ROGDI: variants seen among roughly 807,000 people sequenced by gnomAD.
The protein encoded by ROGDI is rogdi atypical leucine zipper.
In ROGDI, 46 loss-of-function variants were observed where a neutral mutation model predicts 43.1. The ratio of observed to expected loss-of-function variants is 1.07; its 90% CI spans 0.84 to 1.37. ROGDI has a LOEUF of 1.37. ROGDI is among the 40% of genes most tolerant of loss of function. ROGDI has a pLI of 0.00. For synonymous variants in ROGDI, 243 were observed against 162.0 expected, an observed-to-expected ratio of 1.50 and a Z score of -3.80; for missense variants, 518 against 383.9, an observed-to-expected ratio of 1.35 and a Z score of -2.92.
intron 2 of ROGDI, chr16:4,802,140 C>T (rs1221776875): frequency 1.5e-6 from 1 of 655,428 alleles, no homozygotes; most frequent in Non-Finnish European, 2.8e-6. Flanking sequence ...GCGGCCTTCC[C>T]CGACCCGAGG....
In ROGDI at chr16:4,797,416, G is replaced by C. The variant is rs200440067; in HGVS notation, c.*44C>G. ...GGTGCTCTGTGGTGGGTATGAGTAG[G>C]GGACGGGGCCGCCTTCCTGGAGACA... On this transcript the variant is annotated 3_prime_UTR_variant, in exon 11 of 11. Transcript: ENST00000322048. 5.4e-4 allele frequency: 865 copies of C among 1,588,266 alleles called. 9 individuals are homozygous for C. The highest frequency in any genetic ancestry group is 2.2e-4 in the Non-Finnish European group (260 of 1,164,082).
intron 4 of ROGDI, chr16:4,801,051 G>A (rs781733202): frequency 1.5e-5 from 8 of 518,724 alleles, no homozygotes; most frequent in Non-Finnish European, 2.4e-5. Context: ...AGGCCAGGCC[G>A]TGTGCAAAGA....
At chr16:4,801,428 C>A in intron 3 of ROGDI, 75 bp downstream of exon 3, 1 of 1,559,232 alleles carries the variant, frequency 6.4e-7, no homozygotes, top group Non-Finnish European at 8.7e-7. Context: ...AGCTGGTCTG[C>A]AGGACAGGGC....
In ROGDI at chr16:4,802,353, G is replaced by T; in HGVS notation, c.117+29C>A. 5 of 1,544,182 alleles carry T rather than the reference G, an allele frequency of 3.2e-6. No individual in the cohort carries two copies. The South Asian group carries it at 6.1e-5, about 19-fold the overall frequency. On this transcript the variant is annotated intron_variant, in intron 2 of 10. Coordinates refer to ENST00000322048, the MANE Select transcript of ROGDI (RefSeq NM_024589.3). The stretch of plus-strand genomic sequence containing the variant: ...GGAAATGAGGAGGGAGGGCCGCCAC[G>T]CCCGGCGGGGCAGGGCGCGGGTCGT...
intron 7 of ROGDI, 47 bp from the exon 8 acceptor site, chr16:4,798,231 G>A: frequency 6.7e-7 from 1 of 1,491,400 alleles, no homozygotes; most frequent in South Asian, 1.2e-5. Flanking sequence ...CCCAGCCCAG[G>A]CTGGATGGAG....
chr16:4,797,661 G>C, intron 10 of ROGDI, 53 bp downstream of exon 10: 1 of 1,611,916 alleles, frequency 6.2e-7, no homozygotes, highest in Non-Finnish European at 8.5e-7. Context: ...TGAGGGTGTG[G>C]CAAGGACCCT....
At chr16:4,802,348 G>A in intron 2 of ROGDI, 34 bp downstream of exon 2, 2 of 1,526,740 alleles carry the variant, frequency 1.3e-6, no homozygotes, top group Admixed American at 2.0e-5. Flanking sequence ...AGGGAGGGCC[G>A]CCACGCCCGG....
chr16:4,801,997 A>G (rs1284914443), intron 2 of ROGDI: 2 of 576,974 alleles, frequency 3.5e-6, no homozygotes, highest in Non-Finnish European at 6.6e-6. Flanking sequence ...AGCCTCGCGA[A>G]GCGGGTACTG....
chr16:4,800,346 C>T (rs565865740), intron 5 of ROGDI, 152 bp downstream of exon 5: 11 of 666,380 alleles, frequency 1.7e-5, no homozygotes, highest in Non-Finnish European at 2.1e-5. Flanking sequence ...CTTCAGGAAA[C>T]GCCTGCCCCC....
In ROGDI at chr16:4,799,775, C is replaced by T; in HGVS notation, c.343G>A (p.Asp115Asn). The T allele has an allele frequency of 6.2e-7, 1 of 1,613,116 alleles. No individual in the cohort carries two copies. The highest frequency in any genetic ancestry group is 8.5e-7 in the Non-Finnish European group (1 of 1,179,374). ...GCTTGGCTCACATGGTTTCTGGCAT[C>T]CTGGATCTGGAAGCAGGGGTCATCC... ...DKQWKLQQIQ[D>N]ARNHVSQAIY... Residue 115 changes from aspartate to asparagine, a missense_variant, in exon 6 of 11, where the codon GAT (aspartate) becomes AAT (asparagine). Asp to Asn is a conservative substitution (Grantham distance 23). Transcript: ENST00000322048.
In ROGDI at chr16:4,800,488, G is replaced by A. The variant is rs368283919; in HGVS notation, c.336+10C>T. The A allele has an allele frequency of 1.3e-6, 2 of 1,552,218 alleles. No individual in the cohort carries two copies. The highest frequency in any genetic ancestry group is 1.2e-5 in the South Asian group (1 of 84,196). On this transcript the variant is annotated intron_variant, in intron 5 of 10. Transcript: ENST00000322048. Reference sequence around the variant, plus strand: ...TGTGGCTGAGCACTAGCCAGGAGGGGCGGGGTCACCTGCTGCAGCTTCCAC... The same window carrying A: ...TGTGGCTGAGCACTAGCCAGGAGGGACGGGGTCACCTGCTGCAGCTTCCAC...
Position 4,797,355 on chromosome 16 carries a change from AG to A in ROGDI, c.*104del. ...TGTTAGGTGGGGTAGGGGGTGGGATAGGGAGATAAATAGCAGCCTGGCGTTG... is the reference window on the plus strand; with the variant it reads ...TGTTAGGTGGGGTAGGGGGTGGGATAGGAGATAAATAGCAGCCTGGCGTTG... On this transcript the variant is annotated 3_prime_UTR_variant, in exon 11 of 11. Coordinates refer to ENST00000322048, the MANE Select transcript of ROGDI (RefSeq NM_024589.3). 1 of 974,262 alleles carries A rather than the reference AG, an allele frequency of 1.0e-6. No individual in the cohort carries two copies. The allele number at this position is 974,262 out of a possible 1,614,324, so 60.4% of individuals were successfully genotyped here. A position where few individuals can be genotyped will look rare whatever the true frequency, so the allele number is the denominator to read the frequency against.
chr16:4,800,209 T>C (rs192351959), intron 5 of ROGDI, among the ~76,000 whole-genome samples: 8 of 151,770 alleles, frequency 5.3e-5, no homozygotes, highest in African/African-American at 1.7e-4. Flanking sequence ...GGCAAGGGAG[T>C]GACTTTTCAG....
At chr16:4,798,387 A>C in intron 7 of ROGDI, 182 bp downstream of exon 7, 2 of 699,166 alleles carry the variant, frequency 2.9e-6, no homozygotes, top group Non-Finnish European at 4.8e-6. Flanking sequence ...ACTAACCCGA[A>C]ACAGGGTTAA....
At position 4,802,584 on chromosome 16, in the gene ROGDI, C is replaced by A; in HGVS notation, c.-13G>T. On this transcript the variant is annotated 5_prime_UTR_variant, in exon 1 of 11. Transcript: ENST00000322048. ...TCACGGTGGCCATGGCCGCAGGCCGCCGCCGAGCGCCCTCCCCACCGGCCG... is the reference window on the plus strand; with the variant it reads ...TCACGGTGGCCATGGCCGCAGGCCGACGCCGAGCGCCCTCCCCACCGGCCG... 1.5e-6 allele frequency: 2 copies of A among 1,311,260 alleles called. No individual in the cohort carries two copies. Among genetic ancestry groups the A allele is most frequent in the Non-Finnish European group, 9.8e-7 (1 of 1,023,102 alleles). 81.2% of individuals were successfully genotyped at this position (1,311,260 alleles called of 1,614,324 possible).
intron 2 of ROGDI, 183 bp from the exon 3 acceptor site, chr16:4,801,768 C>G: frequency 3.3e-6 from 2 of 615,246 alleles, no homozygotes; most frequent in South Asian, 3.8e-5. Context: ...ACCGTGAGCC[C>G]GATCTCTGCT....
chr16:4,797,451 G>C lies in ROGDI; in HGVS notation c.*9C>G. 6.2e-7 allele frequency: 1 copy of C among 1,612,656 alleles called. No individual in the cohort carries two copies. The highest frequency in any genetic ancestry group is 8.5e-7 in the Non-Finnish European group (1 of 1,179,170). On this transcript the variant is annotated 3_prime_UTR_variant, in exon 11 of 11. Transcript: ENST00000322048. ...CGCCTTCCTGGAGACAAGCTCCTGG[G>C]TGCTGTGATCAGAAGGGTCTGTAGC...
chr16:4,798,130 G>C lies in ROGDI; in HGVS notation c.586C>G (p.Leu196Val), dbSNP rs752188428. The change falls in exon 8 of 11, where the codon CTC becomes GTC. Residue 196 changes from leucine (L) to valine (V), a missense_variant. By Grantham distance (32) the Leu-to-Val change is conservative (BLOSUM62 1). Transcript: ENST00000322048. ...TACACCGTGAGGCAGAGCTTGTTGA[G>C]GTTGATGTAGACGTTGACCAGCAGG... is the stretch of plus-strand genomic sequence containing the variant. Reference protein sequence around the residue: ...SDLLVNVYINLNKLCLTVYQL... With the variant: ...SDLLVNVYINVNKLCLTVYQL... The C allele has an allele frequency of 1.8e-5, 29 of 1,614,060 alleles. No individual in the cohort carries two copies. The highest frequency in any genetic ancestry group is 2.5e-5 in the Non-Finnish European group (29 of 1,179,956).
intron 6 of ROGDI, among the ~76,000 whole-genome samples, chr16:4,798,968 G>T (rs1250190418): frequency 2.6e-5 from 4 of 152,152 alleles, no homozygotes; most frequent in African/African-American, 9.7e-5. Context: ...AGGCTTTGTG[G>T]ACAGGGGTAC....
Sources: allele counts gnomAD v4.1 joint callset (sites outside exome capture counted in the v4.1 genomes callset), GRCh38; gene constraint gnomAD v4.1.1; transcripts MANE v1.5; gene names NCBI Gene and HGNC (gene_info 2026-07-23, HGNC 2026-07-21).